ZRANB3: variants seen among roughly 807,000 people sequenced by gnomAD.
ZRANB3 encodes the protein DNA annealing helicase and endonuclease ZRANB3.
ZRANB3 carries 125 observed loss-of-function variants against 133.8 expected under a neutral mutation model. The observed-to-expected ratio is 0.93, with a 90% confidence interval of 0.81 to 1.08. ZRANB3 has a LOEUF of 1.08. Ranked by LOEUF, ZRANB3 falls within the 50% of genes least tolerant of loss-of-function variation. ZRANB3 has a pLI of 0.00. For missense variants in ZRANB3, 1,229 were observed against 1,275.5 expected, an observed-to-expected ratio of 0.96 and a Z score of 0.56; for synonymous variants, 387 against 432.7, an observed-to-expected ratio of 0.89 and a Z score of 1.31.
In ZRANB3 at chr2:135,199,850, T is replaced by C. The variant is rs1693546952; in HGVS notation, c.*492A>G. The stretch of plus-strand genomic sequence containing the variant: ...GTGCCCCTAGCTCATTCTGGAGGTA[T>C]TTAGTGGACAGTCTCTCTTGAATCC... On this transcript the variant is annotated 3_prime_UTR_variant, in exon 21 of 21. Transcript: ENST00000264159. The C allele has an allele frequency of 6.2e-6, 1 of 160,052 alleles. No individual in the cohort carries two copies. The highest frequency in any genetic ancestry group is 1.4e-5 in the Non-Finnish European group (1 of 73,298). 9.9% of individuals were successfully genotyped at this position (160,052 alleles called of 1,614,324 possible). A position where few individuals can be genotyped will look rare whatever the true frequency, so the allele number is the denominator to read the frequency against.
At chr2:135,254,632 A>C (rs1049378472) in intron 12 of ZRANB3, among the ~76,000 whole-genome samples, 4 of 152,086 alleles carry the variant, frequency 2.6e-5, no homozygotes, top group African/African-American at 9.7e-5. Flanking sequence ...AAAACAAAAA[A>C]CAGCTTTATT....
At chr2:135,511,423 A>T in intron 1 of ZRANB3, 1 of 814,274 alleles carries the variant, frequency 1.2e-6, no homozygotes, top group Non-Finnish European at 2.2e-6. Flanking sequence ...GCCTGATCAC[A>T]GAAAGTTCCA....
chr2:135,382,534 A>G (rs1051917978), intron 3 of ZRANB3, among the ~76,000 whole-genome samples: 20 of 152,212 alleles, frequency 1.3e-4, no homozygotes, highest in African/African-American at 3.4e-4. Context: ...TCCAAGACAC[A>G]TAATTGTCAG....
intron 2 of ZRANB3, among the ~76,000 whole-genome samples, chr2:135,478,297 A>G (rs1691590430): frequency 6.6e-6 from 1 of 152,174 alleles, no homozygotes; most frequent in African/African-American, 2.4e-5. Context: ...AATCTCAAGT[A>G]TATGGCTTAA....
intron 2 of ZRANB3, among the ~76,000 whole-genome samples, chr2:135,402,689 C>T (rs567976721): frequency 1.3e-4 from 20 of 151,726 alleles, no homozygotes; most frequent in African/African-American, 3.6e-4. Context: ...TGGGTTCAAG[C>T]GATTCTCCTG....
chr2:135,231,190 A>G (rs534350423), intron 12 of ZRANB3, among the ~76,000 whole-genome samples: 1 of 152,290 alleles, frequency 6.6e-6, no homozygotes, highest in Non-Finnish European at 1.5e-5. Context: ...AACTCATTTA[A>G]TCCTCACATC....
intron 6 of ZRANB3, among the ~76,000 whole-genome samples, chr2:135,323,660 A>G (rs1482116816): frequency 3.9e-5 from 6 of 152,228 alleles, no homozygotes; most frequent in African/African-American, 1.4e-4. Context: ...AATAAGGATT[A>G]TAAATAAAAT....
chr2:135,273,046 C>T (rs1477789036), intron 9 of ZRANB3, among the ~76,000 whole-genome samples: 1 of 151,536 alleles, frequency 6.6e-6, no homozygotes, highest in Non-Finnish European at 1.5e-5. Flanking sequence ...ATTAGCTGGA[C>T]GTGGTGGCGG....
chr2:135,269,808 C>T (rs1680425952), intron 10 of ZRANB3, among the ~76,000 whole-genome samples: 1 of 152,128 alleles, frequency 6.6e-6, no homozygotes. Context: ...TCCAAAAATG[C>T]ATGACTTTAA....
At chr2:135,235,136 C>G (rs1448532064) in intron 12 of ZRANB3, among the ~76,000 whole-genome samples, 1 of 152,096 alleles carries the variant, frequency 6.6e-6, no homozygotes, top group Non-Finnish European at 1.5e-5. Flanking sequence ...ATACAAACTA[C>G]CATCAGAGAA....
At chr2:135,322,782 C>T (rs752477683) in intron 6 of ZRANB3, among the ~76,000 whole-genome samples, 27 of 151,918 alleles carry the variant, frequency 1.8e-4, no homozygotes, top group Non-Finnish European at 2.9e-4. Flanking sequence ...TTTGGGAGGC[C>T]GAGGCAGGTG....
chr2:135,245,386 A>G (rs909018349), intron 12 of ZRANB3, among the ~76,000 whole-genome samples: 3 of 152,206 alleles, frequency 2.0e-5, no homozygotes, highest in African/African-American at 7.2e-5. Context: ...TCTCTTTGAT[A>G]TATTCTAAAG....
chr2:135,427,673 C>T (rs1240500252), intron 2 of ZRANB3, among the ~76,000 whole-genome samples: 1 of 152,198 alleles, frequency 6.6e-6, no homozygotes, highest in East Asian at 1.9e-4. Flanking sequence ...CTGCCAATGA[C>T]ATTCTTCACA....
chr2:135,451,560 T>C (rs777963210), intron 2 of ZRANB3, among the ~76,000 whole-genome samples: 14 of 148,334 alleles, frequency 9.4e-5, no homozygotes, highest in Non-Finnish European at 1.3e-4. Context: ...AGACTCCATC[T>C]CAAAAAAACA....
chr2:135,435,293 T>C (rs1322658603), intron 2 of ZRANB3, among the ~76,000 whole-genome samples: 4 of 152,216 alleles, frequency 2.6e-5, no homozygotes, highest in Admixed American at 2.0e-4. Context: ...GGCCTCTAGC[T>C]CCATACATGT....
intron 2 of ZRANB3, among the ~76,000 whole-genome samples, chr2:135,429,330 A>T (rs1026965821): frequency 1.3e-5 from 2 of 152,220 alleles, no homozygotes; most frequent in Non-Finnish European, 2.9e-5. Flanking sequence ...GGAGCTTATC[A>T]ACATGAGTAC....
At chr2:135,487,903 T>G (rs547726868) in intron 2 of ZRANB3, among the ~76,000 whole-genome samples, 1 of 152,208 alleles carries the variant, frequency 6.6e-6, no homozygotes, top group Non-Finnish European at 1.5e-5. Context: ...ACTTTTCCTT[T>G]GCAATCCACA....
chr2:135,433,320 G>T (rs1689396710), intron 2 of ZRANB3, among the ~76,000 whole-genome samples: 1 of 152,122 alleles, frequency 6.6e-6, no homozygotes, highest in South Asian at 2.1e-4. Flanking sequence ...CTGGGAGGTT[G>T]ATGCTGCGGT....
intron 2 of ZRANB3, among the ~76,000 whole-genome samples, chr2:135,405,174 T>C (rs927495415): frequency 3.9e-5 from 6 of 152,070 alleles, no homozygotes; most frequent in Admixed American, 6.6e-5. Flanking sequence ...GCAATCCTAG[T>C]CTCTGATAAA....
Sources: allele counts gnomAD v4.1 joint callset (sites outside exome capture counted in the v4.1 genomes callset), GRCh38; gene constraint gnomAD v4.1.1; transcripts MANE v1.5; gene names NCBI Gene and HGNC (gene_info 2026-07-23, HGNC 2026-07-21).